SKAP2: variants seen among roughly 807,000 people sequenced by gnomAD.
SKAP2 encodes the protein src kinase-associated phosphoprotein 2.
In SKAP2, 28 loss-of-function variants were observed where a neutral mutation model predicts 54.9. The ratio of observed to expected loss-of-function variants is 0.51; its 90% CI spans 0.38 to 0.70. SKAP2 has a LOEUF of 0.70. Among genes scored for constraint, SKAP2 ranks in the 30% least tolerant of loss-of-function variants. The pLI, the probability that SKAP2 is intolerant of heterozygous loss-of-function variation, is 0.00. For synonymous variants in SKAP2, 137 were observed against 134.3 expected (o/e 1.02, Z -0.14); for missense variants, 356 against 424.1 (o/e 0.84, Z 1.41).
At chr7:26,760,452 T>G (rs916957703) in intron 4 of SKAP2, among the ~76,000 whole-genome samples, 34 of 152,278 alleles carry the variant, frequency 2.2e-4, no homozygotes, top group African/African-American at 7.5e-4. Flanking sequence ...CCCCAGTGGA[T>G]GCCTGAAACT....
chr7:26,784,424 A>T (rs1783494639), intron 4 of SKAP2, among the ~76,000 whole-genome samples: 1 of 152,204 alleles, frequency 6.6e-6, no homozygotes, highest in African/African-American at 2.4e-5. Context: ...ACAAGCTACA[A>T]ATTAGGCTTT....
At chr7:26,804,682 T>C (rs1783988699) in intron 4 of SKAP2, among the ~76,000 whole-genome samples, 1 of 146,090 alleles carries the variant, frequency 6.8e-6, no homozygotes, top group Non-Finnish European at 1.5e-5. Flanking sequence ...GAGGTTGCAG[T>C]GAGCCGAAAT....
At chr7:26,823,068 C>A (rs1467064015) in intron 4 of SKAP2, among the ~76,000 whole-genome samples, 1 of 152,028 alleles carries the variant, frequency 6.6e-6, no homozygotes, top group Non-Finnish European at 1.5e-5. Context: ...GTTGTGAATG[C>A]AAATGAAAAG....
intron 4 of SKAP2, among the ~76,000 whole-genome samples, chr7:26,767,130 C>A (rs1220628519): frequency 6.6e-6 from 1 of 152,158 alleles, no homozygotes; most frequent in African/African-American, 2.4e-5. Flanking sequence ...CTATTAATTA[C>A]TGCCTCAATT....
At chr7:26,857,546 C>T (rs980720820) in intron 1 of SKAP2, 4 of 985,364 alleles carry the variant, frequency 4.1e-6, no homozygotes, top group Non-Finnish European at 4.8e-6. Context: ...AGCAACACAC[C>T]GATCCTGATC....
At chr7:26,785,363 T>C (rs1783522209) in intron 4 of SKAP2, among the ~76,000 whole-genome samples, 1 of 152,080 alleles carries the variant, frequency 6.6e-6, no homozygotes, top group South Asian at 2.1e-4. Flanking sequence ...ATTTTTTGTA[T>C]TTTTAGTAGA....
chr7:26,799,673 G>C (rs569861188), intron 4 of SKAP2, among the ~76,000 whole-genome samples: 1 of 152,238 alleles, frequency 6.6e-6, no homozygotes, highest in East Asian at 1.9e-4. Context: ...AATCAACAAA[G>C]AAACATCAGG....
Position 26,727,019 on chromosome 7 carries a change from A to C in SKAP2, c.470-13T>G, listed in dbSNP as rs1192546121. ...TTCTGTTGTTTGTCTGTTGAAGATA[A>C]AACCAGTTAGAATTTCATTTACTAA... On this transcript the variant is annotated splice_polypyrimidine_tract_variant and intron_variant, in intron 6 of 12. Transcript: ENST00000345317. 2 of 1,579,018 alleles carry C rather than the reference A, an allele frequency of 1.3e-6. No individual in the cohort carries two copies. Among genetic ancestry groups the C allele is most frequent in the South Asian group, 2.4e-5 (2 of 85,070 alleles).
At chr7:26,780,186 T>C (rs1452436975) in intron 4 of SKAP2, among the ~76,000 whole-genome samples, 1 of 152,092 alleles carries the variant, frequency 6.6e-6, no homozygotes, top group Non-Finnish European at 1.5e-5. Context: ...TAGTGGCTCA[T>C]AGAGTTGTAT....
intron 4 of SKAP2, among the ~76,000 whole-genome samples, chr7:26,749,329 C>T (rs186979013): frequency 6.6e-5 from 10 of 152,190 alleles, no homozygotes; most frequent in Admixed American, 2.6e-4. Flanking sequence ...CTATATTATG[C>T]GCCAGGCTCT....
At chr7:26,860,543 AT>A (rs2127999706) in intron 1 of SKAP2, among the ~76,000 whole-genome samples, 1 of 152,144 alleles carries the variant, frequency 6.6e-6, no homozygotes, top group East Asian at 1.9e-4. Context: ...GTAGGTGACT[AT>A]TGGTGACTCA....
At chr7:26,784,725 A>G (rs1039645421) in intron 4 of SKAP2, among the ~76,000 whole-genome samples, 10 of 152,242 alleles carry the variant, frequency 6.6e-5, no homozygotes, top group Admixed American at 4.6e-4. Context: ...AAGAGTGAAC[A>G]TAAGAAAGTT....
chr7:26,852,072 T>TAG (rs913510242), intron 3 of SKAP2, among the ~76,000 whole-genome samples: 2 of 151,942 alleles, frequency 1.3e-5, no homozygotes, highest in Non-Finnish European at 2.9e-5. Flanking sequence ...CTACATTGAC[T>TAG]AGAGAGAGAG....
chr7:26,700,864 T>C lies in SKAP2; in HGVS notation c.797-10502A>G, dbSNP rs576979997. Among the ~76,000 whole-genome samples, 3 of 152,342 alleles carry C rather than the reference T, an allele frequency of 2.0e-5. No individual in the cohort carries two copies. In the South Asian group the frequency reaches 6.2e-4, roughly 32 times the overall value. On this transcript the variant is annotated intron_variant, in intron 9 of 12. Coordinates refer to ENST00000345317, the MANE Select transcript of SKAP2 (RefSeq NM_003930.5). ...CTCATCCTTCATGTTTCCCTCAAAA[T>C]GAGTGACAGCAGCTCAATGACTTCA...
intron 9 of SKAP2, 108 bp from the exon 10 acceptor site, chr7:26,690,470 T>G (rs1250986796): frequency 1.5e-6 from 1 of 657,668 alleles, no homozygotes; most frequent in South Asian, 2.0e-5. Flanking sequence ...CACATAAACA[T>G]TATTTTTCAA....
chr7:26,817,802 CAG>C (rs1261676164), intron 4 of SKAP2, among the ~76,000 whole-genome samples: 1 of 152,088 alleles, frequency 6.6e-6, no homozygotes, highest in Admixed American at 6.6e-5. Context: ...AATAGACAAA[CAG>C]AGAGCCAAAT....
intron 4 of SKAP2, among the ~76,000 whole-genome samples, chr7:26,785,422 G>A (rs925067102): frequency 6.6e-6 from 1 of 151,996 alleles, no homozygotes; most frequent in African/African-American, 2.4e-5. Context: ...TCCTGACCTC[G>A]TGATCCACCT....
intron 4 of SKAP2, among the ~76,000 whole-genome samples, chr7:26,744,659 G>A (rs546388198): frequency 6.6e-6 from 1 of 152,106 alleles, no homozygotes; most frequent in South Asian, 2.1e-4. Context: ...AGTATTGGGT[G>A]CCTCAATACA....
chr7:26,681,031 T>C (rs1438888880), intron 11 of SKAP2, among the ~76,000 whole-genome samples: 1 of 152,212 alleles, frequency 6.6e-6, no homozygotes, highest in African/African-American at 2.4e-5. Context: ...CCATCAAGGC[T>C]TTCTTGCAAA....
Sources: gnomAD v4.1 joint callset for allele counts (sites outside exome capture counted in the v4.1 genomes callset) on GRCh38, gnomAD v4.1.1 for gene constraint, MANE v1.5 for transcripts, NCBI Gene and HGNC (gene_info 2026-07-23, HGNC 2026-07-21) for gene names.